The following CSMD2 variants were observed in gnomAD, a reference collection of about 807,000 sequenced individuals.
The protein encoded by CSMD2 is CUB and sushi domain-containing protein 2.
In CSMD2, 130 loss-of-function variants were observed where a neutral mutation model predicts 398.5. The ratio of observed to expected loss-of-function variants is 0.33; its 90% CI spans 0.28 to 0.38. CSMD2 has a LOEUF of 0.38. Among genes scored for constraint, CSMD2 ranks in the 10% least tolerant of loss-of-function variants. The pLI, the probability that CSMD2 is intolerant of heterozygous loss-of-function variation, is 1.00. For missense variants in CSMD2, 3,829 were observed against 4,764.9 expected (o/e 0.80, Z 5.78); for synonymous variants, 1,828 against 1,908.5 (o/e 0.96, Z 1.10).
intron 55 of CSMD2, among the ~76,000 whole-genome samples, chr1:33,553,996 A>C (rs1044317989): frequency 1.6e-4 from 24 of 151,994 alleles, no homozygotes; most frequent in Non-Finnish European, 2.9e-4. Flanking sequence ...GCTGCAGAAG[A>C]AAAGTACAAG....
chr1:33,518,575 T>A lies in CSMD2; in HGVS notation c.*53+890A>T, dbSNP rs1653972243. 6.6e-6 allele frequency among the ~76,000 whole-genome samples: 1 copy of A among 152,176 alleles called. No individual in the cohort carries two copies. Among genetic ancestry groups the A allele is most frequent in the Non-Finnish European group, 1.5e-5 (1 of 68,036 alleles). ...TGGATATTGCTGTGAAGGTATCTTT[T>A]TAGATAAAATTAACTTTGAAATCAG... On this transcript the variant is annotated intron_variant, in intron 70 of 70. Transcript: ENST00000373381. The surrounding 1 kb of genome is among the most constrained non-coding windows in gnomAD (Gnocchi z 4.3).
chr1:34,035,621 A>G (rs1406560986), intron 2 of CSMD2, among the ~76,000 whole-genome samples: 3 of 152,082 alleles, frequency 2.0e-5, no homozygotes, highest in African/African-American at 7.2e-5. Flanking sequence ...GACCACATCA[A>G]CTAATGCAGA....
intron 25 of CSMD2, among the ~76,000 whole-genome samples, chr1:33,667,850 A>C (rs1294812013): frequency 1.3e-5 from 2 of 152,186 alleles, no homozygotes; most frequent in African/African-American, 4.8e-5. Flanking sequence ...TCATTCACTT[A>C]AGCGCCTCCC....
At chr1:34,140,950 T>G (rs1252948934) in intron 1 of CSMD2, among the ~76,000 whole-genome samples, 1 of 151,906 alleles carries the variant, frequency 6.6e-6, no homozygotes, top group Non-Finnish European at 1.5e-5. Context: ...CAGCCTCACT[T>G]CCTGCAGCCC....
intron 1 of CSMD2, among the ~76,000 whole-genome samples, chr1:34,102,449 C>T (rs1660048397): frequency 6.6e-6 from 1 of 152,190 alleles, no homozygotes; most frequent in Non-Finnish European, 1.5e-5. Context: ...TCATCTCACT[C>T]AACATAAAAG....
intron 12 of CSMD2, among the ~76,000 whole-genome samples, chr1:33,782,041 C>T (rs1471849171): frequency 6.6e-6 from 1 of 152,162 alleles, no homozygotes; most frequent in East Asian, 1.9e-4. Context: ...TTGTATCTCT[C>T]TGCTCAAATT....
intron 3 of CSMD2, 82 bp downstream of exon 3, chr1:34,032,512 C>T: frequency 1.1e-6 from 1 of 872,620 alleles, no homozygotes; most frequent in Non-Finnish European, 1.7e-6. Flanking sequence ...CACTTCCCTG[C>T]ATCTGTGAGC....
intron 3 of CSMD2, among the ~76,000 whole-genome samples, chr1:33,994,539 A>C (rs1558218617): frequency 6.6e-6 from 1 of 152,134 alleles, no homozygotes; most frequent in Non-Finnish European, 1.5e-5. Flanking sequence ...GAAAGGAAGG[A>C]TTGTACTTAT....
chr1:34,133,348 A>AGGCC (rs1410050246), intron 1 of CSMD2, among the ~76,000 whole-genome samples: 1 of 152,210 alleles, frequency 6.6e-6, no homozygotes, highest in Non-Finnish European at 1.5e-5. Flanking sequence ...CAGTCAGCCC[A>AGGCC]GGCCGGGTGT....
At chr1:33,879,884 T>C (rs1399666790) in intron 5 of CSMD2, among the ~76,000 whole-genome samples, 4 of 152,188 alleles carry the variant, frequency 2.6e-5, no homozygotes, top group Non-Finnish European at 4.4e-5. Flanking sequence ...GAATTTAGCA[T>C]AGCGCATCAC....
At chr1:33,803,663 A>G (rs1655880383) in intron 10 of CSMD2, among the ~76,000 whole-genome samples, 1 of 151,878 alleles carries the variant, frequency 6.6e-6, no homozygotes, top group Non-Finnish European at 1.5e-5. Flanking sequence ...TATCTCCTAA[A>G]TCTCTCTCAT....
In CSMD2 at chr1:33,935,759, C is replaced by T. The variant is rs764000361; in HGVS notation, c.712+1G>A. 3 of 1,598,312 alleles carry T rather than the reference C, an allele frequency of 1.9e-6. No individual in the cohort carries two copies. Among genetic ancestry groups the T allele is most frequent in the Non-Finnish European group, 1.7e-6 (2 of 1,172,654 alleles). ...TGTCAGACCCCTTGCTGGCCACCTA[C>T]CTCTGCAGGAAGGCAGGGGGAAGTC... On this transcript the variant is annotated splice_donor_variant, in intron 4 of 70. Coordinates refer to ENST00000373381, the MANE Select transcript of CSMD2 (RefSeq NM_001281956.2). LOFTEE classifies it high-confidence loss of function.
At chr1:33,623,049 T>G (rs1641874906) in intron 36 of CSMD2, among the ~76,000 whole-genome samples, 1 of 152,176 alleles carries the variant, frequency 6.6e-6, no homozygotes, top group Non-Finnish European at 1.5e-5. Context: ...GGCTTCCATT[T>G]ATATGAAATG....
chr1:33,790,856 C>G (rs1364542461), intron 11 of CSMD2, among the ~76,000 whole-genome samples: 1 of 151,906 alleles, frequency 6.6e-6, no homozygotes. Context: ...ATCTATCTAT[C>G]TATCTCTATC....
intron 64 of CSMD2, among the ~76,000 whole-genome samples, chr1:33,530,682 G>A (rs1208235137): frequency 2.6e-5 from 4 of 152,088 alleles, no homozygotes; most frequent in Admixed American, 6.6e-5. Context: ...GCCAAGATAC[G>A]GAAACAACCT....
chr1:33,648,723 C>T (rs1450025365), intron 28 of CSMD2, among the ~76,000 whole-genome samples: 2 of 152,100 alleles, frequency 1.3e-5, no homozygotes, highest in Non-Finnish European at 2.9e-5. Context: ...CTCCTTCTGC[C>T]CGACAACAAT....
In CSMD2 at chr1:33,792,170, G is replaced by A. The variant is rs1313088171; in HGVS notation, c.1550+253C>T. On this transcript the variant is annotated intron_variant, in intron 11 of 70. Transcript: ENST00000373381. ...GCTCCAGGTTCATCCACAAAACCTC[G>A]ATCTCCCCTGCCCCCTAACAGACTG... Among the ~76,000 whole-genome samples the A allele has an allele frequency of 2.6e-5, 4 of 152,256 alleles. 1 individual carries two copies. The highest frequency in any genetic ancestry group is 4.2e-4 in the South Asian group (2 of 4,816).
chr1:34,052,924 C>T (rs918519891), intron 2 of CSMD2, among the ~76,000 whole-genome samples: 2 of 152,020 alleles, frequency 1.3e-5, no homozygotes, highest in African/African-American at 2.4e-5. Flanking sequence ...GTGACCTGCT[C>T]GAGAGCAGTG....
chr1:34,100,952 G>A (rs1467486480), intron 1 of CSMD2, among the ~76,000 whole-genome samples: 2 of 152,154 alleles, frequency 1.3e-5, no homozygotes, highest in Non-Finnish European at 2.9e-5. Flanking sequence ...TCTCAGGGAT[G>A]GCTAGAAAGG....
Sources: gnomAD v4.1 joint callset for allele counts (sites outside exome capture counted in the v4.1 genomes callset) on GRCh38, gnomAD v4.1.1 for gene constraint, Gnocchi (gnomAD v3.1) non-coding constraint, MANE v1.5 for transcripts, NCBI Gene and HGNC (gene_info 2026-07-23, HGNC 2026-07-21) for gene names.